Variants in COPB2 observed in about 807,000 individuals in gnomAD.
COPB2 encodes coat protein complex I subunit beta 2, also known as coatomer subunit beta'.
In COPB2, 16 loss-of-function variants were observed where a neutral mutation model predicts 120.8. That is an observed-to-expected ratio of 0.13 (90% CI 0.09 to 0.20). COPB2 has a LOEUF of 0.20. COPB2 is among the 10% of genes least tolerant of loss of function. COPB2 has a pLI of 1.00. For missense variants in COPB2, 794 were observed against 1,076.5 expected, an observed-to-expected ratio of 0.74 and a Z score of 3.67; for synonymous variants, 332 against 366.3, an observed-to-expected ratio of 0.91 and a Z score of 1.07.
At chr3:139,385,910 C>A (rs753538813) in intron 1 of COPB2, among the ~76,000 whole-genome samples, 6 of 152,156 alleles carry the variant, frequency 3.9e-5, no homozygotes, top group African/African-American at 9.7e-5. Context: ...AACCTAAAAG[C>A]TCATTTGGCA....
At chr3:139,373,950 G>T in intron 7 of COPB2, 142 bp from the exon 8 acceptor site, 2 of 844,612 alleles carry the variant, frequency 2.4e-6, no homozygotes, top group East Asian at 2.7e-5. Flanking sequence ...TTGACCTACT[G>T]TCTTTAAATG....
At chr3:139,373,172 A>T in intron 9 of COPB2, 41 bp downstream of exon 9, 2 of 1,593,570 alleles carry the variant, frequency 1.3e-6, no homozygotes, top group Non-Finnish European at 1.7e-6. Flanking sequence ...ACCTGTTCTA[A>T]CATACACAGA....
chr3:139,371,613 T>A (rs1941624189), intron 10 of COPB2, 110 bp downstream of exon 10: 1 of 871,040 alleles, frequency 1.1e-6, no homozygotes, highest in Non-Finnish European at 1.8e-6. Context: ...TGGTGAGAAC[T>A]GTTTTTTAAC....
At chr3:139,373,982 A>G (rs903396791) in intron 7 of COPB2, among the ~76,000 whole-genome samples, 174 bp from the exon 8 acceptor site, 5 of 152,206 alleles carry the variant, frequency 3.3e-5, no homozygotes, top group African/African-American at 9.7e-5. Flanking sequence ...CAACATAAAC[A>G]TAACACATAA....
At chr3:139,358,532 A>G (rs752957786) in intron 20 of COPB2, 41 of 600,928 alleles carry the variant, frequency 6.8e-5, no homozygotes, top group Non-Finnish European at 1.0e-4. Flanking sequence ...CAAAAAAATT[A>G]GCCGGACCGG....
rs1240047512 is a variant in COPB2 at position 139,378,117 on chromosome 3, T to C, written c.428A>G (p.His143Arg). The C allele has an allele frequency of 6.3e-7, 1 of 1,594,672 alleles. No individual in the cohort carries two copies. The highest frequency in any genetic ancestry group is 1.3e-5 in the African/African-American group (1 of 74,780). ...GTTGATCACAATCTGCATAACATAA[T>C]GGGTGTGTCCTTCAAACACTTGTGA... is the stretch of plus-strand genomic sequence containing the variant. Reference protein sequence around the residue: ...SCSQVFEGHTHYVMQIVINPK... With the variant: ...SCSQVFEGHTRYVMQIVINPK... The change falls in exon 5 of 22, where the codon CAT (histidine) becomes CGT (arginine). Residue 143 changes from histidine to arginine, a missense_variant. Physicochemically the swap from His to Arg is conservative, Grantham distance 29. This residue lies in a region of COPB2 where 610 missense variants were observed against 866.7 expected (regional missense o/e 0.70). Coordinates refer to ENST00000333188, the MANE Select transcript of COPB2 (RefSeq NM_004766.3).
At position 139,383,339 on chromosome 3, in the gene COPB2, G is replaced by T; in HGVS notation, c.100C>A (p.Leu34Ile). 6.2e-7 allele frequency: 1 copy of T among 1,613,830 alleles called. No homozygotes were observed. Among genetic ancestry groups the T allele is most frequent in the Non-Finnish European group, 8.5e-7 (1 of 1,179,906 alleles). ...HPTEPWMLAS[L>I]YNGSVCVWNH... ...CAAACACACACACTGCCATTGTAAA[G>T]ACTTGCCAACATCCATGGCTCTGTA... The change falls in exon 2 of 22, where the codon CTT (leucine) becomes ATT (isoleucine). Residue 34 changes from leucine (L) to isoleucine (I), a missense_variant. Physicochemically the swap from Leu to Ile is conservative, Grantham distance 5. Coordinates refer to ENST00000333188, the MANE Select transcript of COPB2 (RefSeq NM_004766.3).
chr3:139,362,889 A>T (rs947600733), intron 15 of COPB2, among the ~76,000 whole-genome samples: 1 of 152,244 alleles, frequency 6.6e-6, no homozygotes, highest in African/African-American at 2.4e-5. Flanking sequence ...AAAAGAAGAA[A>T]ACTAGGCACA....
chr3:139,387,202 T>C (rs1339857516), intron 1 of COPB2, among the ~76,000 whole-genome samples: 3 of 150,220 alleles, frequency 2.0e-5, no homozygotes, highest in African/African-American at 7.4e-5. Flanking sequence ...CAGAGTGAGA[T>C]TCTGTCAAGA....
rs371607811 is a variant in COPB2, at chr3:139,369,516, C to T, written c.1234G>A (p.Val412Ile). ...EYAIRESNSI[V>I]KIFKNFKEKK... Reference sequence around the variant, plus strand: ...TCCTTAAAGTTCTTAAATATCTTTACAATGCTGTTGCTCTCTCTTATTGCA... The same window carrying T: ...TCCTTAAAGTTCTTAAATATCTTTATAATGCTGTTGCTCTCTCTTATTGCA... Residue 412 changes from valine (V) to isoleucine (I), a missense_variant, in exon 11 of 22, where the codon GTA (valine) becomes ATA (isoleucine). Val to Ile is a conservative substitution (Grantham distance 29). Around this residue, in one of 3 missense-constraint regions of COPB2, gnomAD observed 610 missense variants for 866.7 expected, o/e 0.70. Coordinates refer to ENST00000333188, the MANE Select transcript of COPB2 (RefSeq NM_004766.3). 2.2e-5 allele frequency: 35 copies of T among 1,611,536 alleles called. No individual in the cohort carries two copies. The highest frequency in any genetic ancestry group is 2.9e-5 in the Non-Finnish European group (34 of 1,178,656).
chr3:139,379,350 T>C (rs377623111), intron 3 of COPB2, 30 bp downstream of exon 3: 12 of 1,600,928 alleles, frequency 7.5e-6, no homozygotes, highest in Non-Finnish European at 8.5e-6. Context: ...ATTCAGAAAA[T>C]GGGAATAGAG....
At chr3:139,374,183 T>C in intron 7 of COPB2, 1 of 423,134 alleles carries the variant, frequency 2.4e-6, no homozygotes, top group Non-Finnish European at 4.2e-6. Flanking sequence ...TAACAGAGCC[T>C]GATTTTGAAC....
intron 20 of COPB2, 142 bp from the exon 21 acceptor site, chr3:139,358,413 T>A (rs2107794798): frequency 1.3e-6 from 1 of 741,462 alleles, no homozygotes; most frequent in Non-Finnish European, 2.3e-6. Context: ...GCACAGTGGC[T>A]CACGCCTGTA....
At chr3:139,383,862 CTA>C (rs1941861283) in intron 1 of COPB2, among the ~76,000 whole-genome samples, 3 of 152,036 alleles carry the variant, frequency 2.0e-5, no homozygotes, top group Non-Finnish European at 2.9e-5. Flanking sequence ...TGAAAAATAA[CTA>C]TGTTTTCAAA....
At chr3:139,374,406 A>C (rs749237716) in intron 7 of COPB2, 83 bp downstream of exon 7, 1 of 1,127,464 alleles carries the variant, frequency 8.9e-7, no homozygotes, top group East Asian at 2.4e-5. Flanking sequence ...GGAAACCTAC[A>C]ATTATAATGC....
intron 15 of COPB2, among the ~76,000 whole-genome samples, chr3:139,363,374 C>T (rs1432285202): frequency 6.6e-6 from 1 of 152,136 alleles, no homozygotes; most frequent in Admixed American, 6.5e-5. Context: ...CTATTGTGAA[C>T]TGTACATGTG....
chr3:139,358,282 A>T lies in COPB2; in HGVS notation c.2554-11T>A, dbSNP rs1560011086. The stretch of plus-strand genomic sequence containing the variant: ...TTTCCCATCAAGTTCCTGAAACCAC[A>T]AGTGAAGATATATATGAAGACAAGG... On this transcript the variant is annotated splice_polypyrimidine_tract_variant and intron_variant, in intron 20 of 21. Coordinates refer to ENST00000333188, the MANE Select transcript of COPB2 (RefSeq NM_004766.3). The T allele has an allele frequency of 6.2e-6, 10 of 1,609,480 alleles. No individual in the cohort carries two copies. Among genetic ancestry groups the T allele is most frequent in the Non-Finnish European group, 8.5e-6 (10 of 1,175,864 alleles).
In COPB2 at chr3:139,358,026, A is replaced by G; in HGVS notation, c.2626-68T>C. 3.7e-6 allele frequency: 4 copies of G among 1,084,288 alleles called. No homozygotes were observed. In the South Asian group the frequency reaches 4.5e-5, roughly 12 times the overall value. The allele number at this position is 1,084,288 out of a possible 1,614,324, so 67.2% of individuals were successfully genotyped here. ...TTAAAGGAAAGTTATCCGTGGGTTC[A>G]TGATTCAAAGTGAGAACTAAGATTT... On this transcript the variant is annotated intron_variant, in intron 21 of 21. Coordinates refer to ENST00000333188, the MANE Select transcript of COPB2 (RefSeq NM_004766.3).
At chr3:139,359,884 GTA>G (rs1441755185) in intron 17 of COPB2, among the ~76,000 whole-genome samples, 1 of 151,938 alleles carries the variant, frequency 6.6e-6, no homozygotes, top group African/African-American at 2.4e-5. Flanking sequence ...GATACAGTAT[GTA>G]TACTATGTAT....
Sources: allele counts gnomAD v4.1 joint callset (sites outside exome capture counted in the v4.1 genomes callset), GRCh38; gene constraint gnomAD v4.1.1; regional missense constraint gnomAD v4.1.1; transcripts MANE v1.5; gene names NCBI Gene and HGNC (gene_info 2026-07-23, HGNC 2026-07-21).